The following HIVEP3 variants were observed in gnomAD, a reference collection of about 807,000 sequenced individuals.
HIVEP3 encodes the protein HIVEP zinc finger 3.
HIVEP3 carries 49 observed loss-of-function variants against 152.8 expected under a neutral mutation model. The ratio of observed to expected loss-of-function variants is 0.32; its 90% CI spans 0.26 to 0.41. The LOEUF (loss-of-function observed/expected upper bound fraction) is 0.41, where lower values mean the gene tolerates loss of function less well. Among genes scored for constraint, HIVEP3 ranks in the 10% least tolerant of loss-of-function variants. The pLI, the probability that HIVEP3 is intolerant of heterozygous loss-of-function variation, is 1.00. For synonymous variants in HIVEP3, 1,269 were observed against 1,289.0 expected (o/e 0.98, Z 0.33); for missense variants, 2,790 against 3,103.3 (o/e 0.90, Z 2.40).
chr1:41,733,709 G>A (rs183550004), intron 1 of HIVEP3, among the ~76,000 whole-genome samples: 1 of 152,354 alleles, frequency 6.6e-6, no homozygotes, highest in East Asian at 1.9e-4. Flanking sequence ...GTGCCAGGCA[G>A]GGAAGCAGCA....
chr1:41,560,169 A>C (rs1644036814), intron 5 of HIVEP3, among the ~76,000 whole-genome samples: 1 of 152,276 alleles, frequency 6.6e-6, no homozygotes, highest in Non-Finnish European at 1.5e-5. Context: ...TGCCAAGTAC[A>C]TTACACACAA....
chr1:41,742,946 T>C (rs770715936), intron 1 of HIVEP3, among the ~76,000 whole-genome samples: 6 of 152,318 alleles, frequency 3.9e-5, no homozygotes, highest in Middle Eastern at 3.4e-3. Context: ...AACATCTCTG[T>C]GTCTGTTTCA....
chr1:41,965,173 A>C (rs1227505952), intron 1 of HIVEP3, among the ~76,000 whole-genome samples: 3 of 152,256 alleles, frequency 2.0e-5, no homozygotes, highest in African/African-American at 7.2e-5. Flanking sequence ...CCTATGGAAG[A>C]AAGTCCTGAC....
rs1645736699 is a variant in HIVEP3, at chr1:41,662,729, G to A, written c.-720-33782C>T. Among the ~76,000 whole-genome samples the A allele has an allele frequency of 6.6e-6, 1 of 151,558 alleles. No individual in the cohort carries two copies. Among genetic ancestry groups the A allele is most frequent in the African/African-American group, 2.4e-5 (1 of 41,300 alleles). ...CTCCCTCCGCGCCCGCCCCGGCTCCGGCGCTGTCTTTTCCTCCTGGGCCCT... is the reference window on the plus strand; with the variant it reads ...CTCCCTCCGCGCCCGCCCCGGCTCCAGCGCTGTCTTTTCCTCCTGGGCCCT... On this transcript the variant is annotated intron_variant, in intron 2 of 8. Transcript: ENST00000372583. The surrounding 1 kb of genome is among the most constrained non-coding windows in gnomAD (Gnocchi z 7.2).
chr1:41,573,231 G>C (rs1644277276), intron 5 of HIVEP3, among the ~76,000 whole-genome samples: 1 of 152,186 alleles, frequency 6.6e-6, no homozygotes, highest in Non-Finnish European at 1.5e-5. Context: ...TCTGGGTGTG[G>C]GCACTCTTGG....
At chr1:41,791,721 T>C (rs1185048526) in intron 1 of HIVEP3, among the ~76,000 whole-genome samples, 1 of 152,182 alleles carries the variant, frequency 6.6e-6, no homozygotes, top group East Asian at 1.9e-4. Flanking sequence ...TTATTTTAGT[T>C]TGTTGTTATA....
intron 2 of HIVEP3, among the ~76,000 whole-genome samples, chr1:41,671,410 T>G (rs1446153735): frequency 1.3e-5 from 2 of 152,178 alleles, no homozygotes; most frequent in Non-Finnish European, 2.9e-5. Context: ...CTTCTGGAAT[T>G]GCCGGAGAAA....
intron 1 of HIVEP3, among the ~76,000 whole-genome samples, chr1:41,729,890 C>T (rs1271769155): frequency 6.6e-6 from 1 of 152,162 alleles, no homozygotes; most frequent in Non-Finnish European, 1.5e-5. Context: ...CCCTCTCCTC[C>T]ACTACCACTC....
At chr1:41,952,989 C>A (rs1316376712) in intron 1 of HIVEP3, among the ~76,000 whole-genome samples, 1 of 152,098 alleles carries the variant, frequency 6.6e-6, no homozygotes, top group Non-Finnish European at 1.5e-5. Context: ...AGCTGTCCAG[C>A]TGTTTTTCTG....
intron 1 of HIVEP3, among the ~76,000 whole-genome samples, chr1:41,789,392 T>C (rs1478467408): frequency 6.6e-6 from 1 of 152,188 alleles, no homozygotes; most frequent in Non-Finnish European, 1.5e-5. Context: ...GAGTTCAACG[T>C]TTGTGAGCTA....
chr1:41,988,788 T>C (rs1341356984), intron 1 of HIVEP3, among the ~76,000 whole-genome samples: 1 of 152,226 alleles, frequency 6.6e-6, no homozygotes, highest in Non-Finnish European at 1.5e-5. Flanking sequence ...CAGCATTATT[T>C]ATAATAGCCA....
chr1:41,969,303 C>T (rs1645216191), intron 1 of HIVEP3, among the ~76,000 whole-genome samples: 1 of 152,132 alleles, frequency 6.6e-6, no homozygotes. Context: ...TACCTGAGTT[C>T]AAACTATACT....
rs913200377 is a variant in HIVEP3 at position 41,575,742 on chromosome 1, G to A, written c.5062-53C>T. Reference sequence around the variant, plus strand: ...ATTGCTGGTTAAAAGTGCATCCTCAGTCACGAATGCAATGCTAATAATCAT... The same window carrying A: ...ATTGCTGGTTAAAAGTGCATCCTCAATCACGAATGCAATGCTAATAATCAT... On this transcript the variant is annotated intron_variant, in intron 4 of 8. Coordinates refer to ENST00000372583, the MANE Select transcript of HIVEP3 (RefSeq NM_024503.5). The A allele has an allele frequency of 3.8e-6, 6 of 1,585,686 alleles. No homozygotes were observed. In the African/African-American group the frequency reaches 8.1e-5, roughly 21 times the overall value.
intron 1 of HIVEP3, among the ~76,000 whole-genome samples, chr1:42,018,807 T>C (rs1645537874): frequency 6.6e-6 from 1 of 152,052 alleles, no homozygotes; most frequent in Non-Finnish European, 1.5e-5. Context: ...TCCTCCCATA[T>C]ATTTACCTTC....
chr1:41,902,626 CAG>C (rs1644643999), intron 1 of HIVEP3, among the ~76,000 whole-genome samples: 1 of 152,200 alleles, frequency 6.6e-6, no homozygotes, highest in African/African-American at 2.4e-5. Flanking sequence ...GCTTTAGAAA[CAG>C]AGGCTACAGA....
chr1:41,639,888 T>TG (rs1235709299), intron 2 of HIVEP3, among the ~76,000 whole-genome samples: 5 of 152,118 alleles, frequency 3.3e-5, no homozygotes, highest in Non-Finnish European at 2.9e-5. Flanking sequence ...AGACAGGCAA[T>TG]GGAGCCCAGT....
intron 5 of HIVEP3, among the ~76,000 whole-genome samples, chr1:41,528,312 T>TCA (rs1394447533): frequency 5.6e-5 from 5 of 89,316 alleles, no homozygotes; most frequent in Non-Finnish European, 8.8e-5. Context: ...ACACTCACCT[T>TCA]CACACTCCAC....
chr1:41,864,151 A>G (rs985431660), intron 1 of HIVEP3, among the ~76,000 whole-genome samples: 2 of 152,144 alleles, frequency 1.3e-5, no homozygotes, highest in African/African-American at 4.8e-5. Context: ...CCAAGGGCTC[A>G]GGATTGGGAC....
chr1:41,880,421 G>C (rs1188851258), intron 1 of HIVEP3, among the ~76,000 whole-genome samples: 1 of 152,184 alleles, frequency 6.6e-6, no homozygotes, highest in Non-Finnish European at 1.5e-5. Context: ...ACCAGGAAGG[G>C]AATGTGGTCA....
Sources: gnomAD v4.1 joint callset for allele counts (sites outside exome capture counted in the v4.1 genomes callset) on GRCh38, gnomAD v4.1.1 for gene constraint, Gnocchi (gnomAD v3.1) non-coding constraint, MANE v1.5 for transcripts, NCBI Gene and HGNC (gene_info 2026-07-23, HGNC 2026-07-21) for gene names.